Variants in USP34 observed in about 807,000 individuals in gnomAD.
USP34 encodes ubiquitin carboxyl-terminal hydrolase 34.
A neutral mutation model predicts 460.3 loss-of-function variants in USP34; 70 were observed. That is an observed-to-expected ratio of 0.15 (90% CI 0.13 to 0.19). USP34 has a LOEUF of 0.19. Among genes scored for constraint, USP34 ranks in the 10% least tolerant of loss-of-function variants. The pLI is 1.00. For missense variants in USP34, 3,985 were observed against 4,236.2 expected, an observed-to-expected ratio of 0.94 and a Z score of 1.65; for synonymous variants, 1,647 against 1,405.3, an observed-to-expected ratio of 1.17 and a Z score of -3.85.
chr2:61,236,413 A>T, intron 53 of USP34, 24 bp from the exon 54 acceptor site: 3 of 1,547,124 alleles, frequency 1.9e-6, no homozygotes, highest in Non-Finnish European at 2.6e-6. Context: ...TGTTAACATT[A>T]GTGATAAAGC....
At chr2:61,420,944 C>T in intron 1 of USP34, 111 bp from the exon 2 acceptor site, 1 of 660,558 alleles carries the variant, frequency 1.5e-6, no homozygotes, top group Non-Finnish European at 2.3e-6. Context: ...GATAATCATT[C>T]TTTTGCTTCC....
chr2:61,244,659 T>C (rs146582620), intron 51 of USP34, among the ~76,000 whole-genome samples: 4 of 151,546 alleles, frequency 2.6e-5, no homozygotes, highest in South Asian at 2.1e-4. Flanking sequence ...TTATGTCACA[T>C]AGAAGATGTC....
intron 50 of USP34, 111 bp from the exon 51 acceptor site, chr2:61,245,399 G>C: frequency 1.8e-6 from 1 of 541,178 alleles, no homozygotes; most frequent in Non-Finnish European, 3.0e-6. Flanking sequence ...ATTTCATGAG[G>C]TAAATTCTAA....
intron 32 of USP34, among the ~76,000 whole-genome samples, 153 bp from the exon 33 acceptor site, chr2:61,293,703 A>G (rs1001897263): frequency 5.9e-5 from 9 of 152,190 alleles, no homozygotes; most frequent in African/African-American, 2.2e-4. Flanking sequence ...AGACAAAATA[A>G]TAAGATAAAG....
At chr2:61,418,439 A>G (rs1276293059) in intron 2 of USP34, among the ~76,000 whole-genome samples, 2 of 152,212 alleles carry the variant, frequency 1.3e-5, no homozygotes, top group East Asian at 3.8e-4. Context: ...AATACACTAC[A>G]AAAACAATTT....
chr2:61,417,381 C>A (rs1694227000), intron 2 of USP34: 1 of 529,810 alleles, frequency 1.9e-6, no homozygotes. Flanking sequence ...GGCTGCAGGA[C>A]CTCCGTAATC....
rs541543783 is a variant in USP34, at chr2:61,396,484, C to T, written c.553-1251G>A. ...TGGCTAAATGAATGGCATAACCATTCCAGCTAATTTTTTTTTTTTTTTTAG... is the reference window on the plus strand; with the variant it reads ...TGGCTAAATGAATGGCATAACCATTTCAGCTAATTTTTTTTTTTTTTTTAG... On this transcript the variant is annotated intron_variant, in intron 3 of 79. Coordinates refer to ENST00000398571, the MANE Select transcript of USP34 (RefSeq NM_014709.4). 3.6e-5 allele frequency among the ~76,000 whole-genome samples: 4 copies of T among 112,452 alleles called. No homozygotes were observed. In the South Asian group the frequency reaches 1.3e-3, roughly 36 times the overall value. 73.8% of individuals were successfully genotyped at this position (112,452 alleles called of 152,430 possible).
At chr2:61,465,672 G>C (rs1310647374) in intron 1 of USP34, among the ~76,000 whole-genome samples, 1 of 151,992 alleles carries the variant, frequency 6.6e-6, no homozygotes, top group Admixed American at 6.6e-5. Context: ...GCAAGGCCCT[G>C]TCTCTATTAA....
chr2:61,349,783 T>C (rs1024376335), intron 12 of USP34, among the ~76,000 whole-genome samples: 9 of 151,882 alleles, frequency 5.9e-5, no homozygotes, highest in Admixed American at 2.0e-4. Context: ...GCAGCTTGCA[T>C]TGAGCCAAGA....
chr2:61,341,692 C>A (rs1691605951), intron 16 of USP34, among the ~76,000 whole-genome samples: 1 of 151,506 alleles, frequency 6.6e-6, no homozygotes, highest in Non-Finnish European at 1.5e-5. Flanking sequence ...TCTTGCACAA[C>A]CTGCACAACT....
chr2:61,208,835 G>T, intron 70 of USP34, 64 bp downstream of exon 70: 1 of 1,236,616 alleles, frequency 8.1e-7, no homozygotes, highest in Non-Finnish European at 1.1e-6. Flanking sequence ...TGTCTATAAA[G>T]TAAGTCTTGG....
At chr2:61,189,678 TAAG>T (rs1686566685) in intron 78 of USP34, 1 of 152,410 alleles carries the variant, frequency 6.6e-6, no homozygotes, top group Admixed American at 6.5e-5. Context: ...AAAGGAAATA[TAAG>T]AATTTTAAAA....
rs558617018 is a variant in USP34, at chr2:61,445,540, A to G, written c.44-24707T>C. 1.2e-4 allele frequency among the ~76,000 whole-genome samples: 18 copies of G among 151,808 alleles called. No individual in the cohort carries two copies. In the East Asian group the frequency reaches 2.7e-3, roughly 23 times the overall value. ...ACAGATCGAGACTCCGTCTCAAAAA[A>G]AAAAAAAAAAAATTGCTAAGAGAAA... On this transcript the variant is annotated intron_variant, in intron 1 of 79. Coordinates refer to ENST00000398571, the MANE Select transcript of USP34 (RefSeq NM_014709.4).
At chr2:61,258,604 C>T (rs115316208) in intron 44 of USP34, among the ~76,000 whole-genome samples, 1 of 151,970 alleles carries the variant, frequency 6.6e-6, no homozygotes, top group Non-Finnish European at 1.5e-5. Flanking sequence ...GGGTGATGGG[C>T]TCCAAATGGA....
intron 10 of USP34, among the ~76,000 whole-genome samples, chr2:61,355,411 C>T (rs1357190969): frequency 1.3e-5 from 2 of 152,118 alleles, no homozygotes; most frequent in Non-Finnish European, 2.9e-5. Flanking sequence ...TTACTAGGCA[C>T]ACAACATACC....
intron 1 of USP34, among the ~76,000 whole-genome samples, chr2:61,455,414 G>A (rs1195029765): frequency 6.6e-6 from 1 of 152,086 alleles, no homozygotes; most frequent in African/African-American, 2.4e-5. Context: ...CTGAGCTCAG[G>A]CAATCCACCA....
At chr2:61,203,998 T>C (rs2103769334) in intron 74 of USP34, among the ~76,000 whole-genome samples, 1 of 152,102 alleles carries the variant, frequency 6.6e-6, no homozygotes, top group African/African-American at 2.4e-5. Context: ...TAATTTAGCC[T>C]AGTGACAAAT....
intron 5 of USP34, 64 bp from the exon 6 acceptor site, chr2:61,383,400 A>T (rs1377186375): frequency 9.5e-6 from 12 of 1,268,558 alleles, no homozygotes; most frequent in Non-Finnish European, 1.2e-5. Context: ...TCTTTCACTA[A>T]ACTAATGAAA....
intron 57 of USP34, 80 bp from the exon 58 acceptor site, chr2:61,232,612 T>C (rs942776097): frequency 5.3e-5 from 61 of 1,140,682 alleles, no homozygotes; most frequent in Non-Finnish European, 7.4e-5. Flanking sequence ...AAGAATTTTA[T>C]TTCTAGTCAA....
Sources: gnomAD v4.1 joint callset for allele counts (sites outside exome capture counted in the v4.1 genomes callset) on GRCh38, gnomAD v4.1.1 for gene constraint, MANE v1.5 for transcripts, NCBI Gene and HGNC (gene_info 2026-07-23, HGNC 2026-07-21) for gene names.